GPR158: variants seen among roughly 807,000 people sequenced by gnomAD.
GPR158 encodes metabotropic glycine receptor.
GPR158 carries 30 observed loss-of-function variants against 78.2 expected under a neutral mutation model. That is an observed-to-expected ratio of 0.38 (90% CI 0.29 to 0.52). The LOEUF (loss-of-function observed/expected upper bound fraction) is 0.52, where lower values mean the gene tolerates loss of function less well. Among genes scored for constraint, GPR158 ranks in the 20% least tolerant of loss-of-function variants. GPR158 has a pLI of 0.83. For synonymous variants in GPR158, 581 were observed against 591.1 expected (o/e 0.98, Z 0.25); for missense variants, 1,463 against 1,523.5 (o/e 0.96, Z 0.66).
At chr10:25,255,474 T>TC (rs1853878033) in intron 2 of GPR158, among the ~76,000 whole-genome samples, 1 of 152,228 alleles carries the variant, frequency 6.6e-6, no homozygotes, top group South Asian at 2.1e-4. Context: ...TCTCTCTAGG[T>TC]CTCTAGGCTT....
chr10:25,410,935 T>G (rs1190644458), intron 3 of GPR158, among the ~76,000 whole-genome samples: 1 of 152,210 alleles, frequency 6.6e-6, no homozygotes, highest in Non-Finnish European at 1.5e-5. Context: ...TGAAAGAAAC[T>G]AAGACTTTCT....
chr10:25,433,535 T>TGTGTGTGTGTGTGTGTG (rs1202193160), intron 4 of GPR158, among the ~76,000 whole-genome samples: 6 of 38,092 alleles, frequency 1.6e-4, no homozygotes, highest in Middle Eastern at 0.033. Context: ...GTTAGGGGTG[T>TGTGTGTGTGTGTGTGTG]GTGTGTGTGT....
chr10:25,234,473 T>G (rs1372994821), intron 2 of GPR158, among the ~76,000 whole-genome samples: 5 of 152,246 alleles, frequency 3.3e-5, no homozygotes, highest in African/African-American at 1.2e-4. Context: ...CTTATATAGC[T>G]TAAGTGAAAA....
chr10:25,422,830 G>A (rs911326655), intron 4 of GPR158, among the ~76,000 whole-genome samples: 1 of 148,706 alleles, frequency 6.7e-6, no homozygotes, highest in African/African-American at 2.5e-5. Context: ...TGTACCTAAT[G>A]TACAGTCTTT....
At chr10:25,206,264 G>A (rs959562473) in intron 1 of GPR158, among the ~76,000 whole-genome samples, 1 of 152,136 alleles carries the variant, frequency 6.6e-6, no homozygotes, top group Non-Finnish European at 1.5e-5. Flanking sequence ...TGGGATTACA[G>A]GCGTGAGCCA....
At chr10:25,341,263 A>G (rs900423634) in intron 2 of GPR158, among the ~76,000 whole-genome samples, 1 of 152,066 alleles carries the variant, frequency 6.6e-6, no homozygotes, top group Non-Finnish European at 1.5e-5. Context: ...ATGAAGGGGA[A>G]TACAAATATT....
chr10:25,583,848 G>A (rs1564497520), intron 7 of GPR158, among the ~76,000 whole-genome samples: 1 of 152,180 alleles, frequency 6.6e-6, no homozygotes, highest in South Asian at 2.1e-4. Context: ...AAACGCCTTT[G>A]CAACAGGGTA....
intron 2 of GPR158, among the ~76,000 whole-genome samples, chr10:25,250,958 G>T (rs955424290): frequency 2.0e-4 from 31 of 151,562 alleles, no homozygotes; most frequent in Non-Finnish European, 3.5e-4. Flanking sequence ...AAGTCTCTTT[G>T]TAGGTCACTC....
At chr10:25,285,659 C>T (rs945551032) in intron 2 of GPR158, among the ~76,000 whole-genome samples, 4 of 152,100 alleles carry the variant, frequency 2.6e-5, no homozygotes, top group African/African-American at 4.8e-5. Flanking sequence ...ATGGTACTCA[C>T]CCACTTTGAG....
At chr10:25,453,426 T>C (rs1835248809) in intron 4 of GPR158, among the ~76,000 whole-genome samples, 1 of 152,188 alleles carries the variant, frequency 6.6e-6, no homozygotes, top group South Asian at 2.1e-4. Flanking sequence ...TTCTAACAGG[T>C]GTGAGGTGAC....
intron 2 of GPR158, among the ~76,000 whole-genome samples, chr10:25,351,611 A>G (rs1855472928): frequency 6.6e-6 from 1 of 151,472 alleles, no homozygotes; most frequent in African/African-American, 2.4e-5. Flanking sequence ...TGAAATGGAA[A>G]TTGAATTTTT....
At chr10:25,522,783 A>T (rs1175029431) in intron 5 of GPR158, among the ~76,000 whole-genome samples, 1 of 152,216 alleles carries the variant, frequency 6.6e-6, no homozygotes, top group Non-Finnish European at 1.5e-5. Flanking sequence ...AGTAGAAGAC[A>T]TGGGACTGTG....
At chr10:25,573,720 A>T (rs2130732988) in intron 7 of GPR158, among the ~76,000 whole-genome samples, 1 of 152,294 alleles carries the variant, frequency 6.6e-6, no homozygotes, top group East Asian at 1.9e-4. Context: ...CATGAGTTTG[A>T]TTCCCATTTT....
intron 2 of GPR158, among the ~76,000 whole-genome samples, chr10:25,344,288 AAT>A (rs1443933384): frequency 6.6e-6 from 1 of 151,864 alleles, no homozygotes; most frequent in East Asian, 1.9e-4. Context: ...TAATTTATAA[AAT>A]ATATATTTAT....
intron 4 of GPR158, among the ~76,000 whole-genome samples, chr10:25,449,615 G>A (rs1835187393): frequency 6.6e-6 from 1 of 152,298 alleles, no homozygotes; most frequent in South Asian, 2.1e-4. Context: ...ACTGGAAGAT[G>A]TTGGTCAAAG....
chr10:25,586,033 C>T (rs146732767), intron 7 of GPR158, among the ~76,000 whole-genome samples: 1 of 152,064 alleles, frequency 6.6e-6, no homozygotes, highest in Admixed American at 6.6e-5. Flanking sequence ...AAGAGACCTT[C>T]TAGGTCTGCT....
chr10:25,332,504 G>T (rs1322364042), intron 2 of GPR158, among the ~76,000 whole-genome samples: 1 of 152,108 alleles, frequency 6.6e-6, no homozygotes, highest in Non-Finnish European at 1.5e-5. Context: ...TTGAGACATA[G>T]AACATGGCAC....
At chr10:25,492,171 G>C (rs1835819777) in intron 5 of GPR158, among the ~76,000 whole-genome samples, 1 of 152,094 alleles carries the variant, frequency 6.6e-6, no homozygotes, top group South Asian at 2.1e-4. Flanking sequence ...TCAACAACCA[G>C]CTCTTGGGGA....
intron 2 of GPR158, among the ~76,000 whole-genome samples, chr10:25,339,250 G>C (rs1855269429): frequency 6.6e-6 from 1 of 151,850 alleles, no homozygotes; most frequent in Non-Finnish European, 1.5e-5. Context: ...GCCTCCCAAA[G>C]TGCTAGAATT....
Sources: gnomAD v4.1 joint callset for allele counts (sites outside exome capture counted in the v4.1 genomes callset) on GRCh38, gnomAD v4.1.1 for gene constraint, MANE v1.5 for transcripts, NCBI Gene and HGNC (gene_info 2026-07-23, HGNC 2026-07-21) for gene names.